GSK3B: variants seen among roughly 807,000 people sequenced by gnomAD.
GSK3B encodes the protein glycogen synthase kinase 3 beta.
In GSK3B, 15 loss-of-function variants were observed where a neutral mutation model predicts 56.4. The ratio of observed to expected loss-of-function variants is 0.27; its 90% CI spans 0.18 to 0.41. The LOEUF (loss-of-function observed/expected upper bound fraction) is 0.41. Ranked by LOEUF, GSK3B falls within the 10% of genes least tolerant of loss-of-function variation. GSK3B has a pLI of 1.00. For missense variants in GSK3B, 300 were observed against 513.4 expected (o/e 0.58, Z 4.02); for synonymous variants, 181 against 188.9 (o/e 0.96, Z 0.34).
At chr3:120,024,393 A>G (rs1427458787) in intron 1 of GSK3B, among the ~76,000 whole-genome samples, 1 of 152,216 alleles carries the variant, frequency 6.6e-6, no homozygotes, top group Non-Finnish European at 1.5e-5. Flanking sequence ...CTGGGAGAGT[A>G]TAATAGACAT....
In GSK3B at chr3:119,843,372, C is replaced by T. The variant is rs1191979103; in HGVS notation, c.1097-19G>A. On this transcript the variant is annotated intron_variant, in intron 9 of 10. Transcript: ENST00000264235. ...GACAGTTCTATAGAAGGTTAAGACACAAATGTTAGAGTCCACTCTTAACTT... is the reference window on the plus strand; with the variant it reads ...GACAGTTCTATAGAAGGTTAAGACATAAATGTTAGAGTCCACTCTTAACTT... 5 of 1,370,734 alleles carry T rather than the reference C, an allele frequency of 3.6e-6. No homozygotes were observed. The highest frequency in any genetic ancestry group is 5.2e-6 in the Non-Finnish European group (5 of 961,506). The allele number at this position is 1,370,734 out of a possible 1,614,324, so 84.9% of individuals were successfully genotyped here. A position where few individuals can be genotyped will look rare whatever the true frequency, so the allele number is the denominator to read the frequency against.
At chr3:119,939,939 G>A (rs2057031385) in intron 3 of GSK3B, among the ~76,000 whole-genome samples, 1 of 151,952 alleles carries the variant, frequency 6.6e-6, no homozygotes, top group South Asian at 2.1e-4. Flanking sequence ...CACAAGGATT[G>A]AGAATATGGC....
intron 8 of GSK3B, among the ~76,000 whole-genome samples, chr3:119,865,456 ATATATATATATTTTT>A (rs1425141793): frequency 3.4e-4 from 7 of 20,740 alleles, no homozygotes; most frequent in African/African-American, 6.0e-4. Context: ...ATATATATAT[ATATATATATATTTTT>A]TTTTTTTTTT....
chr3:119,884,385 G>A (rs143840898), intron 7 of GSK3B, among the ~76,000 whole-genome samples: 397 of 152,260 alleles, frequency 2.6e-3, no homozygotes, highest in African/African-American at 8.5e-3. Flanking sequence ...TCAAAGTACT[G>A]CCAGTGAGAG....
At chr3:119,895,071 T>C (rs1320760825) in intron 7 of GSK3B, among the ~76,000 whole-genome samples, 1 of 152,154 alleles carries the variant, frequency 6.6e-6, no homozygotes, top group African/African-American at 2.4e-5. Flanking sequence ...TTGTACCCTT[T>C]GACCAACATT....
chr3:119,885,778 G>A (rs1417636180), intron 7 of GSK3B, among the ~76,000 whole-genome samples: 2 of 151,898 alleles, frequency 1.3e-5, no homozygotes, highest in Non-Finnish European at 2.9e-5. Flanking sequence ...CGTCACAGTC[G>A]ACAAAAATAA....
At chr3:119,877,864 T>C (rs148556271) in intron 7 of GSK3B, among the ~76,000 whole-genome samples, 175 of 152,260 alleles carry the variant, frequency 1.1e-3, no homozygotes, top group African/African-American at 4.1e-3. Context: ...ATGCTAAAAA[T>C]TGAGGACTTT....
At chr3:119,882,961 T>C (rs1053792527) in intron 7 of GSK3B, among the ~76,000 whole-genome samples, 2 of 152,170 alleles carry the variant, frequency 1.3e-5, no homozygotes, top group South Asian at 2.1e-4. Context: ...AACCTGTAAA[T>C]AGAATTGTTG....
At chr3:120,028,676 T>G in intron 1 of GSK3B, 1 of 400,744 alleles carries the variant, frequency 2.5e-6, no homozygotes, top group Non-Finnish European at 4.9e-6. Context: ...CTGATGTTAT[T>G]CAGTTCCTCC....
At chr3:120,082,037 A>T (rs576128642) in intron 1 of GSK3B, among the ~76,000 whole-genome samples, 80 of 152,288 alleles carry the variant, frequency 5.3e-4, no homozygotes, top group African/African-American at 1.7e-3. Context: ...CATGGTAAGG[A>T]CAACACCTAA....
chr3:119,990,294 A>G (rs1358132374), intron 2 of GSK3B, among the ~76,000 whole-genome samples: 1 of 151,832 alleles, frequency 6.6e-6, no homozygotes, highest in Non-Finnish European at 1.5e-5. Context: ...ACTTCTCCAC[A>G]CACATAAACA....
chr3:119,970,613 T>TAAAAAAAA (rs1170925404), intron 2 of GSK3B, among the ~76,000 whole-genome samples: 2 of 114,288 alleles, frequency 1.7e-5, no homozygotes, highest in African/African-American at 3.3e-5. Flanking sequence ...CTACTAAAAT[T>TAAAAAAAA]AAAAAAAAAA....
intron 7 of GSK3B, among the ~76,000 whole-genome samples, chr3:119,877,051 T>G (rs527743394): frequency 1.3e-5 from 2 of 152,322 alleles, no homozygotes; most frequent in East Asian, 3.9e-4. Flanking sequence ...GAAAGCCTTT[T>G]ATCTGTAGCT....
At chr3:120,088,123 A>C (rs1398644148) in intron 1 of GSK3B, among the ~76,000 whole-genome samples, 1 of 152,098 alleles carries the variant, frequency 6.6e-6, no homozygotes, top group African/African-American at 2.4e-5. Flanking sequence ...TGATCTCCTG[A>C]CCTCGTGATC....
chr3:119,912,955 G>C, intron 5 of GSK3B, 145 bp from the exon 6 acceptor site: 1 of 451,102 alleles, frequency 2.2e-6, no homozygotes, highest in East Asian at 3.1e-5. Context: ...AATGTAAACT[G>C]TAACTATCTC....
At chr3:120,065,107 G>GA (rs2058268305) in intron 1 of GSK3B, among the ~76,000 whole-genome samples, 1 of 152,076 alleles carries the variant, frequency 6.6e-6, no homozygotes, top group South Asian at 2.1e-4. Context: ...AGCAAGAAGA[G>GA]AAAAAAACAG....
intron 2 of GSK3B, among the ~76,000 whole-genome samples, chr3:119,981,042 T>C (rs1345738162): frequency 2.0e-5 from 3 of 152,220 alleles, no homozygotes; most frequent in East Asian, 1.9e-4. Flanking sequence ...AAAATGTCAC[T>C]GTAACTCTTA....
At chr3:119,841,781 C>T (rs1021904583) in intron 10 of GSK3B, among the ~76,000 whole-genome samples, 1 of 152,190 alleles carries the variant, frequency 6.6e-6, no homozygotes, top group Non-Finnish European at 1.5e-5. Context: ...GTAGCATGTG[C>T]TGATAAACTT....
intron 5 of GSK3B, 121 bp from the exon 6 acceptor site, chr3:119,912,931 T>C: frequency 2.2e-6 from 1 of 464,040 alleles, no homozygotes; most frequent in Non-Finnish European, 3.9e-6. Context: ...ATTTGAATCA[T>C]ATATGAAAAA....
Sources: gnomAD v4.1 joint callset for allele counts (sites outside exome capture counted in the v4.1 genomes callset) on GRCh38, gnomAD v4.1.1 for gene constraint, MANE v1.5 for transcripts, NCBI Gene and HGNC (gene_info 2026-07-23, HGNC 2026-07-21) for gene names.